DTWD2: variants seen among roughly 807,000 people sequenced by gnomAD.
DTWD2 encodes tRNA-uridine aminocarboxypropyltransferase 2.
A neutral mutation model predicts 31.8 loss-of-function variants in DTWD2; 39 were observed. The ratio of observed to expected loss-of-function variants is 1.22; its 90% CI spans 0.95 to 1.60. DTWD2 has a LOEUF of 1.60. Among genes scored for constraint, DTWD2 ranks in the 40% most tolerant of loss-of-function variants. The pLI is 0.00. For synonymous variants in DTWD2, 180 were observed against 142.8 expected (o/e 1.26, Z -1.86); for missense variants, 515 against 381.5 (o/e 1.35, Z -2.92).
chr5:118,938,166 C>T (rs1444610996), intron 3 of DTWD2, among the ~76,000 whole-genome samples: 1 of 151,914 alleles, frequency 6.6e-6, no homozygotes, highest in Non-Finnish European at 1.5e-5. Context: ...GCTTTCACCA[C>T]TTCCAATAAA....
chr5:118,988,133 G>A (rs1455970443), intron 1 of DTWD2, 161 bp downstream of exon 1: 1 of 845,806 alleles, frequency 1.2e-6, no homozygotes, highest in Non-Finnish European at 1.9e-6. Flanking sequence ...TTCTTACTAG[G>A]TAGCTGTGCC....
chr5:118,862,908 T>C (rs1752294637), intron 4 of DTWD2, among the ~76,000 whole-genome samples: 1 of 152,208 alleles, frequency 6.6e-6, no homozygotes, highest in African/African-American at 2.4e-5. Flanking sequence ...AAAAGTTTTA[T>C]CTGATAAAAG....
At chr5:118,850,477 C>CAAAAAAAAAAAA (rs34808087) in intron 4 of DTWD2, among the ~76,000 whole-genome samples, 3 of 30,474 alleles carry the variant, frequency 9.8e-5, no homozygotes, top group Non-Finnish European at 1.3e-4. Context: ...GACCCCACCA[C>CAAAAAAAAAAAA]AAAAAAAAAA....
At chr5:118,978,525 G>A (rs961245347) in intron 1 of DTWD2, among the ~76,000 whole-genome samples, 14 of 151,998 alleles carry the variant, frequency 9.2e-5, no homozygotes, top group African/African-American at 3.4e-4. Flanking sequence ...TTAAATAAAT[G>A]TATCAGAAAA....
chr5:118,852,876 T>C (rs998292054), intron 4 of DTWD2, among the ~76,000 whole-genome samples: 7 of 152,186 alleles, frequency 4.6e-5, no homozygotes, highest in African/African-American at 9.6e-5. Context: ...TGGAACACTA[T>C]GCATTCATAA....
chr5:118,974,039 G>A lies in DTWD2; in HGVS notation c.218+14255C>T, dbSNP rs139011055. 449 of 1,606,608 alleles carry A rather than the reference G, an allele frequency of 2.8e-4. No individual in the cohort carries two copies. The African/African-American group carries it at 5.5e-3, about 20-fold the overall frequency. On this transcript the variant is annotated intron_variant, in intron 1 of 5. Transcript: ENST00000510708. ...GGATGGAGATGAAGATGAGGAAGCT[G>A]AGACAGCTACGGGCAAGCGGGCAGC...
chr5:118,895,605 C>T (rs1753068224), intron 4 of DTWD2, among the ~76,000 whole-genome samples: 1 of 152,108 alleles, frequency 6.6e-6, no homozygotes, highest in South Asian at 2.1e-4. Flanking sequence ...TGTCTGATTC[C>T]AAATTACACT....
intron 4 of DTWD2, among the ~76,000 whole-genome samples, chr5:118,888,892 T>G (rs1752922435): frequency 6.6e-6 from 1 of 152,228 alleles, no homozygotes; most frequent in African/African-American, 2.4e-5. Flanking sequence ...GTTTTTCATA[T>G]ATCTTCACTA....
intron 4 of DTWD2, among the ~76,000 whole-genome samples, chr5:118,915,746 T>C (rs1369290929): frequency 6.6e-6 from 1 of 152,192 alleles, no homozygotes; most frequent in East Asian, 1.9e-4. Context: ...CAATTTCAAC[T>C]AATCACTAAG....
rs557485512 is a variant in DTWD2 at position 118,949,919 on chromosome 5, T to C, written c.219-5270A>G. ...CTAAAAAGGAGTGCACAAAAGAATA[T>C]TGTCTAAGCGGCCGGGCGCGATGGC... On this transcript the variant is annotated intron_variant, in intron 1 of 5. Transcript: ENST00000510708. Among the ~76,000 whole-genome samples, 19 of 152,116 alleles carry C rather than the reference T, an allele frequency of 1.2e-4. No homozygotes were observed. The South Asian group carries it at 2.7e-3, about 22-fold the overall frequency.
At chr5:118,969,404 A>T (rs1325443012) in intron 1 of DTWD2, among the ~76,000 whole-genome samples, 1 of 152,158 alleles carries the variant, frequency 6.6e-6, no homozygotes, top group African/African-American at 2.4e-5. Flanking sequence ...GGGGCTCCAG[A>T]CACCTTCTAC....
intron 4 of DTWD2, among the ~76,000 whole-genome samples, chr5:118,919,108 G>C (rs184937375): frequency 6.6e-6 from 1 of 152,152 alleles, no homozygotes; most frequent in African/African-American, 2.4e-5. Flanking sequence ...GGAAACACGG[G>C]TTCTAGATCA....
intron 4 of DTWD2, among the ~76,000 whole-genome samples, chr5:118,924,926 G>C (rs555084607): frequency 2.1e-4 from 32 of 152,244 alleles, no homozygotes; most frequent in African/African-American, 7.2e-4. Context: ...TTTGGGGAAA[G>C]ATAATACATG....
At chr5:118,876,163 C>A (rs919386578) in intron 4 of DTWD2, among the ~76,000 whole-genome samples, 5 of 152,084 alleles carry the variant, frequency 3.3e-5, no homozygotes, top group Admixed American at 3.3e-4. Flanking sequence ...CTAATCAGAA[C>A]AAAGCTACAA....
intron 4 of DTWD2, among the ~76,000 whole-genome samples, chr5:118,856,647 A>C (rs1007472722): frequency 6.6e-6 from 1 of 151,550 alleles, no homozygotes; most frequent in African/African-American, 2.4e-5. Flanking sequence ...CATCTCCTAC[A>C]TTTAGTATTA....
chr5:118,929,489 CTT>C (rs60962983), intron 3 of DTWD2, among the ~76,000 whole-genome samples: 10 of 144,704 alleles, frequency 6.9e-5, no homozygotes, highest in African/African-American at 7.6e-5. Flanking sequence ...CGTCACTTCC[CTT>C]TTTTTTTTTT....
intron 4 of DTWD2, among the ~76,000 whole-genome samples, chr5:118,886,046 C>T (rs965443764): frequency 6.6e-6 from 1 of 152,160 alleles, no homozygotes; most frequent in African/African-American, 2.4e-5. Flanking sequence ...GGGGGAACTA[C>T]CTAATAAGCC....
chr5:118,981,946 T>C (rs1755311448), intron 1 of DTWD2, among the ~76,000 whole-genome samples: 2 of 152,246 alleles, frequency 1.3e-5, no homozygotes, highest in African/African-American at 2.4e-5. Flanking sequence ...CTGTTCATTA[T>C]TATGTGGTGT....
intron 4 of DTWD2, among the ~76,000 whole-genome samples, chr5:118,914,397 T>A (rs913122224): frequency 1.3e-5 from 2 of 152,146 alleles, no homozygotes; most frequent in African/African-American, 4.8e-5. Context: ...ATTCCCAGCC[T>A]CCAGAACTGT....
Sources: gnomAD v4.1 joint callset for allele counts (sites outside exome capture counted in the v4.1 genomes callset) on GRCh38, gnomAD v4.1.1 for gene constraint, MANE v1.5 for transcripts, NCBI Gene and HGNC (gene_info 2026-07-23, HGNC 2026-07-21) for gene names.